The following NCALD variants were observed in gnomAD, a reference collection of about 807,000 sequenced individuals.
NCALD encodes the protein neurocalcin delta.
NCALD carries 10 observed loss-of-function variants against 18.6 expected under a neutral mutation model. That is an observed-to-expected ratio of 0.54 (90% CI 0.33 to 0.91). The LOEUF (loss-of-function observed/expected upper bound fraction) is 0.91. Among genes scored for constraint, NCALD ranks in the 40% least tolerant of loss-of-function variants. NCALD has a pLI of 0.03. For synonymous variants in NCALD, 88 were observed against 87.4 expected (o/e 1.01, Z -0.04); for missense variants, 184 against 247.6 (o/e 0.74, Z 1.72).
chr8:101,827,771 C>T (rs1480258229), intron 4 of NCALD, among the ~76,000 whole-genome samples: 2 of 152,168 alleles, frequency 1.3e-5, no homozygotes, highest in African/African-American at 4.8e-5. Flanking sequence ...AATATACTCC[C>T]CCAATCATCT....
chr8:101,702,356 C>T (rs920522149), intron 2 of NCALD, among the ~76,000 whole-genome samples: 5 of 152,024 alleles, frequency 3.3e-5, no homozygotes, highest in African/African-American at 9.7e-5. Flanking sequence ...CTCAGCCTCC[C>T]GAGTAGCTGT....
chr8:101,825,809 C>T (rs957616766), intron 4 of NCALD, among the ~76,000 whole-genome samples: 2 of 152,208 alleles, frequency 1.3e-5, no homozygotes, highest in African/African-American at 2.4e-5. Flanking sequence ...GCACTCAACT[C>T]TGCCACTGTA....
intron 2 of NCALD, among the ~76,000 whole-genome samples, chr8:102,010,816 T>C (rs1360318430): frequency 6.6e-6 from 1 of 152,230 alleles, no homozygotes; most frequent in African/African-American, 2.4e-5. Flanking sequence ...CTTCATTGTG[T>C]TTGTGGGTGT....
At chr8:101,929,407 G>A (rs75657921) in intron 2 of NCALD, among the ~76,000 whole-genome samples, 49 of 43,018 alleles carry the variant, frequency 1.1e-3, no homozygotes, top group African/African-American at 4.8e-3. Context: ...TGGAGGGAGG[G>A]AGGGAGGAAG....
intron 1 of NCALD, among the ~76,000 whole-genome samples, chr8:102,105,607 G>A (rs1235448106): frequency 6.6e-6 from 1 of 152,116 alleles, no homozygotes; most frequent in Non-Finnish European, 1.5e-5. Context: ...AAACAAGATA[G>A]GACAGAAGAA....
intron 1 of NCALD, among the ~76,000 whole-genome samples, chr8:101,781,522 A>G (rs1812012255): frequency 6.6e-6 from 1 of 152,206 alleles, no homozygotes; most frequent in African/African-American, 2.4e-5. Flanking sequence ...AATTGCCAGC[A>G]GCAATAGCAA....
intron 4 of NCALD, among the ~76,000 whole-genome samples, chr8:101,881,248 A>G (rs1440956054): frequency 6.6e-6 from 1 of 152,158 alleles, no homozygotes; most frequent in Non-Finnish European, 1.5e-5. Flanking sequence ...ACATTTTTGC[A>G]ATTTGAAGTC....
intron 2 of NCALD, among the ~76,000 whole-genome samples, chr8:101,948,979 G>A (rs756706872): frequency 1.3e-4 from 20 of 152,162 alleles, no homozygotes; most frequent in Non-Finnish European, 2.6e-4. Context: ...CATGTACCAA[G>A]AGCCCATCAG....
intron 1 of NCALD, among the ~76,000 whole-genome samples, chr8:102,087,492 C>T (rs906737330): frequency 1.3e-5 from 2 of 152,072 alleles, no homozygotes; most frequent in African/African-American, 4.8e-5. Context: ...TCTCCTAAGA[C>T]AGAATGGGTT....
intron 4 of NCALD, among the ~76,000 whole-genome samples, chr8:101,805,980 A>T (rs1374878053): frequency 6.6e-6 from 1 of 152,206 alleles, no homozygotes; most frequent in Non-Finnish European, 1.5e-5. Context: ...GGAGCCTAAC[A>T]GCTGGGTGTG....
At position 102,026,049 on chromosome 8, in the gene NCALD, C is replaced by T. The variant is rs544667405; in HGVS notation, c.-209-5760G>A. On this transcript the variant is annotated intron_variant, in intron 1 of 6. Coordinates refer to the NCALD transcript ENST00000311028. ...ATCAGATATTGTAAGAACTCACTCACTGAGGGTAACTGCATCAATGATTCA... is the reference window on the plus strand; with the variant it reads ...ATCAGATATTGTAAGAACTCACTCATTGAGGGTAACTGCATCAATGATTCA... Among the ~76,000 whole-genome samples the T allele has an allele frequency of 1.4e-4, 21 of 152,240 alleles. No homozygotes were observed. The South Asian group carries it at 3.7e-3, about 27-fold the overall frequency.
intron 2 of NCALD, among the ~76,000 whole-genome samples, chr8:102,015,886 C>T (rs1255583607): frequency 1.3e-5 from 2 of 152,114 alleles, no homozygotes; most frequent in Non-Finnish European, 2.9e-5. Context: ...ATGAGATGAG[C>T]CCCAGCTCTC....
At chr8:101,711,991 GA>G (rs2130330294) in intron 2 of NCALD, among the ~76,000 whole-genome samples, 1 of 152,260 alleles carries the variant, frequency 6.6e-6, no homozygotes, top group South Asian at 2.1e-4. Context: ...AGGTTGAAAT[GA>G]AGGAAAAAAT....
chr8:101,931,101 T>C (rs895041001), intron 2 of NCALD, among the ~76,000 whole-genome samples: 2 of 152,200 alleles, frequency 1.3e-5, no homozygotes, highest in Non-Finnish European at 2.9e-5. Flanking sequence ...CGTGGACCAC[T>C]CCATTGACTT....
At position 101,939,665 on chromosome 8, in the gene NCALD, T is replaced by C. The variant is rs142702118; in HGVS notation, c.-156-23807A>G. On this transcript the variant is annotated intron_variant, in intron 2 of 6. Transcript: ENST00000311028. Reference sequence around the variant, plus strand: ...CTATCCAAATAGCTACAAATTCTGATGTAATTAATGAAACTTTATAATAAT... The same window carrying C: ...CTATCCAAATAGCTACAAATTCTGACGTAATTAATGAAACTTTATAATAAT... 5.0e-3 allele frequency among the ~76,000 whole-genome samples: 764 copies of C among 152,372 alleles called. 7 individuals carry two copies. Among genetic ancestry groups the C allele is most frequent in the African/African-American group, 0.016 (673 of 41,590 alleles).
Position 101,847,263 on chromosome 8 carries a change from C to G in NCALD, c.-20+39878G>C, listed in dbSNP as rs533220460. 21 of 229,936 alleles carry G rather than the reference C, an allele frequency of 9.1e-5. No individual in the cohort carries two copies. In the East Asian group the frequency reaches 2.1e-3, roughly 23 times the overall value. 14.2% of individuals were successfully genotyped at this position (229,936 alleles called of 1,614,324 possible). ...TTTTTTTTCCCCAAGTCAGGTCAGA[C>G]AGGTAATGTGCCAATGTCGTAACAA... On this transcript the variant is annotated intron_variant, in intron 4 of 6. Coordinates refer to the NCALD transcript ENST00000311028.
At chr8:101,916,665 T>C (rs1817980292) in intron 2 of NCALD, among the ~76,000 whole-genome samples, 1 of 152,032 alleles carries the variant, frequency 6.6e-6, no homozygotes, top group Admixed American at 6.6e-5. Context: ...AGATCTACCA[T>C]GGAAACAGAA....
intron 1 of NCALD, among the ~76,000 whole-genome samples, chr8:101,766,365 T>TA (rs1251040150): frequency 1.9e-5 from 1 of 53,958 alleles, no homozygotes; most frequent in African/African-American, 8.3e-5. Context: ...CAGAAAAACA[T>TA]AAAAAATACA....
chr8:101,932,456 T>C (rs1039309360), intron 2 of NCALD, among the ~76,000 whole-genome samples: 5 of 152,294 alleles, frequency 3.3e-5, no homozygotes, highest in African/African-American at 1.2e-4. Context: ...ACCCTTTCCA[T>C]TCCCCCTGCC....
Sources: gnomAD v4.1 joint callset for allele counts (sites outside exome capture counted in the v4.1 genomes callset) on GRCh38, gnomAD v4.1.1 for gene constraint, MANE v1.5 for transcripts, NCBI Gene and HGNC (gene_info 2026-07-23, HGNC 2026-07-21) for gene names.